Variants in SNRNP200 observed in about 807,000 individuals in gnomAD.
The protein encoded by SNRNP200 is U5 small nuclear ribonucleoprotein 200 kDa helicase.
SNRNP200 carries 66 observed loss-of-function variants against 255.2 expected under a neutral mutation model. That is an observed-to-expected ratio of 0.26 (90% confidence interval 0.21 to 0.32). SNRNP200 has a LOEUF of 0.32. SNRNP200 is among the 10% of genes least tolerant of loss of function. The probability of loss-of-function intolerance (pLI) is 1.00; values close to 1 mark genes in which losing one functional copy is unlikely to be tolerated. For missense variants in SNRNP200, 1,585 were observed against 2,749.8 expected, an observed-to-expected ratio of 0.58 and a Z score of 9.47; for synonymous variants, 939 against 1,027.8, an observed-to-expected ratio of 0.91 and a Z score of 1.65.
At position 96,277,347 on chromosome 2, in the gene SNRNP200, T is replaced by G; in HGVS notation, c.5932-106A>C. Reference sequence around the variant, plus strand: ...TTACCTCCTACACTATCAAGTCATCTAGATAAAACAGCTGCAGAAAGAACA... The same window carrying G: ...TTACCTCCTACACTATCAAGTCATCGAGATAAAACAGCTGCAGAAAGAACA... On this transcript the variant is annotated intron_variant, in intron 41 of 44. Coordinates refer to ENST00000323853, the MANE Select transcript of SNRNP200 (RefSeq NM_014014.5). The surrounding 1 kb of genome is among the most constrained non-coding windows in gnomAD (Gnocchi z 4.4). 2 of 1,351,286 alleles carry G rather than the reference T, an allele frequency of 1.5e-6. No individual in the cohort carries two copies. The highest frequency in any genetic ancestry group is 2.1e-6 in the Non-Finnish European group (2 of 946,664). 83.7% of individuals were successfully genotyped at this position (1,351,286 alleles called of 1,614,324 possible).
intron 5 of SNRNP200, among the ~76,000 whole-genome samples, chr2:96,300,269 G>A (rs2104361369): frequency 6.6e-6 from 1 of 152,272 alleles, no homozygotes; most frequent in South Asian, 2.1e-4. Flanking sequence ...TAACCCCAGT[G>A]ACTTAACCAT....
rs2063948673 is a variant in SNRNP200 at position 96,300,933 on chromosome 2, G to A, written c.630+65C>T. The A allele has an allele frequency of 3.7e-6, 5 of 1,346,062 alleles. No homozygotes were observed. The East Asian group carries it at 6.9e-5, about 19-fold the overall frequency. The allele number at this position is 1,346,062 out of a possible 1,614,324, so 83.4% of individuals were successfully genotyped here. ...TAAACTAGAGAGCTTGTTTACACTAGAAGGGGTCCCTTTACCTTAATCAAC... is the reference window on the plus strand; with the variant it reads ...TAAACTAGAGAGCTTGTTTACACTAAAAGGGGTCCCTTTACCTTAATCAAC... On this transcript the variant is annotated intron_variant, in intron 5 of 44. Coordinates refer to ENST00000323853, the MANE Select transcript of SNRNP200 (RefSeq NM_014014.5).
In SNRNP200 at chr2:96,283,646, G is replaced by A. The variant is rs1233295203; in HGVS notation, c.4652C>T (p.Thr1551Ile). 5 of 1,614,036 alleles carry A rather than the reference G, an allele frequency of 3.1e-6. No individual in the cohort carries two copies. The highest frequency in any genetic ancestry group is 2.7e-5 in the African/African-American group (2 of 74,932). Residue 1551 changes from threonine to isoleucine, a missense_variant, in exon 33 of 45, where the codon ACC (threonine) becomes ATC (isoleucine). By Grantham distance (89) the Thr-to-Ile change is moderately conservative (BLOSUM62 -1). Transcript: ENST00000323853. The surrounding 1 kb of genome is among the most constrained non-coding windows in gnomAD (Gnocchi z 4.7). ...SMAKPVYHAI[T>I]KHSPKKPVIV... ...GACAGGCTTCTTGGGCGAGTGCTTGGTGATAGCATGGTACACAGGCTTGGC... is the reference window on the plus strand; with the variant it reads ...GACAGGCTTCTTGGGCGAGTGCTTGATGATAGCATGGTACACAGGCTTGGC...
rs1212070749 is a variant in SNRNP200, at chr2:96,283,241, G to A, written c.4875C>T (p.Ser1625=). Residue 1625 remains serine, a synonymous_variant, in exon 34 of 45, where the codon AGC becomes AGT. Transcript: ENST00000323853. The surrounding 1 kb of genome is among the most constrained non-coding windows in gnomAD (Gnocchi z 4.7). ...NGVGYLHEGL[S]PMERRLVEQL... ...GCTCCACCAGGCGTCGCTCCATGGGGCTGAGCCCCTCATGCAGGTAGCCCA... is the reference window on the plus strand; with the variant it reads ...GCTCCACCAGGCGTCGCTCCATGGGACTGAGCCCCTCATGCAGGTAGCCCA... 3 of 1,614,158 alleles carry A rather than the reference G, an allele frequency of 1.9e-6. No homozygotes were observed. Among genetic ancestry groups the A allele is most frequent in the Non-Finnish European group, 2.5e-6 (3 of 1,180,040 alleles).
chr2:96,292,063 A>C (rs1187224426), intron 16 of SNRNP200, among the ~76,000 whole-genome samples, 163 bp from the exon 17 acceptor site: 2 of 152,218 alleles, frequency 1.3e-5, no homozygotes, highest in Non-Finnish European at 2.9e-5. Flanking sequence ...ACACGGCTGG[A>C]AAGACTTTTA....
At chr2:96,275,376 C>A in intron 43 of SNRNP200, 27 bp from the exon 44 acceptor site, 1 of 1,605,572 alleles carries the variant, frequency 6.2e-7, no homozygotes, top group Non-Finnish European at 8.5e-7. Context: ...CCAAGAATTT[C>A]AGCATGTAAA....
Position 96,283,722 on chromosome 2 carries a change from C to T in SNRNP200, c.4585-9G>A, listed in dbSNP as rs753090914. 2 of 1,613,976 alleles carry T rather than the reference C, an allele frequency of 1.2e-6. No homozygotes were observed. Among genetic ancestry groups the T allele is most frequent in the Non-Finnish European group, 1.7e-6 (2 of 1,180,022 alleles). On this transcript the variant is annotated splice_polypyrimidine_tract_variant and intron_variant, in intron 32 of 44. Transcript: ENST00000323853. The surrounding 1 kb of genome is among the most constrained non-coding windows in gnomAD (Gnocchi z 4.7). ...TGGCTGATGTTGAAGCCCTGGCGACCGGGGAGAAGAAAAGACACCAAGGTT... is the reference window on the plus strand; with the variant it reads ...TGGCTGATGTTGAAGCCCTGGCGACTGGGGAGAAGAAAAGACACCAAGGTT...
At position 96,304,800 on chromosome 2, in the gene SNRNP200, T is replaced by G; in HGVS notation, c.114A>C (p.Gly38=). Residue 38 remains glycine, a synonymous_variant, in exon 2 of 45, where the codon GGA becomes GGC. Coordinates refer to ENST00000323853, the MANE Select transcript of SNRNP200 (RefSeq NM_014014.5). ...GCTTCCCAACAAGGGACAGCACCTC[T>G]CCTGTGGGTTCATCCCGGCGGGTCC... ...IDRTRRDEPT[G]EVLSLVGKLE... is the part of the protein sequence containing the mutation. The G allele has an allele frequency of 6.2e-7, 1 of 1,614,168 alleles. No homozygotes were observed. The highest frequency in any genetic ancestry group is 8.5e-7 in the Non-Finnish European group (1 of 1,180,038).
chr2:96,285,561 G>A (rs1476437376), intron 29 of SNRNP200, among the ~76,000 whole-genome samples: 1 of 152,208 alleles, frequency 6.6e-6, no homozygotes, highest in Non-Finnish European at 1.5e-5. Flanking sequence ...AAGAGGCCAA[G>A]ATCAAGAGCC....
chr2:96,276,562 C>T (rs1684664838), intron 43 of SNRNP200: 1 of 354,398 alleles, frequency 2.8e-6, no homozygotes, highest in Non-Finnish European at 5.5e-6. Context: ...GCTGGGACTA[C>T]AGGTGCCCAC....
In SNRNP200 at chr2:96,283,213, G is replaced by T. The variant is rs1346624908; in HGVS notation, c.4903C>A (p.Leu1635Ile). 6.2e-7 allele frequency: 1 copy of T among 1,614,176 alleles called. No individual in the cohort carries two copies. The highest frequency in any genetic ancestry group is 8.5e-7 in the Non-Finnish European group (1 of 1,180,038). ...SPMERRLVEQ[L>I]FSSGAIQVVV... The stretch of plus-strand genomic sequence containing the variant: ...TGGCCTGACTTACCTGAGCTGAAGA[G>T]CTGCTCCACCAGGCGTCGCTCCATG... Residue 1635 changes from leucine to isoleucine, a missense_variant, in exon 34 of 45, where the codon CTC (leucine) becomes ATC (isoleucine). Around this residue, in one of 9 missense-constraint regions of SNRNP200, gnomAD observed 719 missense variants for 1,091.1 expected, o/e 0.66. Transcript: ENST00000323853. This position sits in a 1 kb window ranked among gnomAD's most constrained non-coding sequence, Gnocchi z 4.7.
At chr2:96,285,482 T>G (rs1262741974) in intron 29 of SNRNP200, 142 bp from the exon 30 acceptor site, 5 of 877,662 alleles carry the variant, frequency 5.7e-6, no homozygotes, top group Admixed American at 4.1e-5. Context: ...AGCTAAGGCA[T>G]CCAAGCCTCT....
In SNRNP200 at chr2:96,291,662, C is replaced by G; in HGVS notation, c.2310+89G>C. On this transcript the variant is annotated intron_variant, in intron 17 of 44. Transcript: ENST00000323853. The surrounding 1 kb of genome is among the most constrained non-coding windows in gnomAD (Gnocchi z 4.2). ...CTTAACCCATGGGAAACAACAATAC[C>G]ACAGTACAGTCCTAGAGGAGCTGTC... 6.8e-7 allele frequency: 1 copy of G among 1,470,020 alleles called. No homozygotes were observed. Among genetic ancestry groups the G allele is most frequent in the African/African-American group, 1.4e-5 (1 of 72,340 alleles). 91.1% of individuals were successfully genotyped at this position (1,470,020 alleles called of 1,614,324 possible).
intron 15 of SNRNP200, 67 bp downstream of exon 15, chr2:96,293,249 C>A (rs907834758): frequency 4.4e-5 from 70 of 1,583,490 alleles, no homozygotes; most frequent in Non-Finnish European, 5.9e-5. Flanking sequence ...CAGTAGCACT[C>A]CTTGGAAAAG....
At position 96,286,932 on chromosome 2, in the gene SNRNP200, C is replaced by A; in HGVS notation, c.3640-55G>T. 6.2e-7 allele frequency: 1 copy of A among 1,613,788 alleles called. No homozygotes were observed. Among genetic ancestry groups the A allele is most frequent in the Non-Finnish European group, 8.5e-7 (1 of 1,179,696 alleles). On this transcript the variant is annotated intron_variant, in intron 27 of 44. Transcript: ENST00000323853. The surrounding 1 kb of genome is among the most constrained non-coding windows in gnomAD (Gnocchi z 4.8). ...GTGAGTCAACGTAGACTGAGTGCCT[C>A]CAATCCATCTCCTCGGCCCAGCAAC...
chr2:96,299,512 G>T, intron 5 of SNRNP200, 85 bp from the exon 6 acceptor site: 1 of 1,123,524 alleles, frequency 8.9e-7, no homozygotes, highest in Non-Finnish European at 1.4e-6. Flanking sequence ...CCCTAAATTA[G>T]CTCAATGGGT....
chr2:96,304,262 A>C (rs1336595023), intron 2 of SNRNP200, among the ~76,000 whole-genome samples: 1 of 152,120 alleles, frequency 6.6e-6, no homozygotes, highest in Non-Finnish European at 1.5e-5. Flanking sequence ...AAAAAAAATA[A>C]AGGAAAAAAA....
chr2:96,284,331 C>A, intron 31 of SNRNP200, 27 bp downstream of exon 31: 2 of 1,591,254 alleles, frequency 1.3e-6, no homozygotes, highest in Non-Finnish European at 1.7e-6. Context: ...CCCAGTCCCT[C>A]ATCTGTGCTG....
Position 96,279,666 on chromosome 2 carries a change from G to A in SNRNP200, c.5025-107C>T, listed in dbSNP as rs1684726806. 8 of 716,646 alleles carry A rather than the reference G, an allele frequency of 1.1e-5. No individual in the cohort carries two copies. In the South Asian group the frequency reaches 1.2e-4, roughly 11 times the overall value. The allele number at this position is 716,646 out of a possible 1,614,324, so 44.4% of individuals were successfully genotyped here. ...TAAGAGTAAAATGTTAATACGGGGA[G>A]ACACGGACAAATCACGGGACGACTC... On this transcript the variant is annotated intron_variant, in intron 35 of 44. Coordinates refer to ENST00000323853, the MANE Select transcript of SNRNP200 (RefSeq NM_014014.5).
Sources: allele counts gnomAD v4.1 joint callset (sites outside exome capture counted in the v4.1 genomes callset), GRCh38; gene constraint gnomAD v4.1.1; regional missense constraint gnomAD v4.1.1; non-coding constraint Gnocchi (gnomAD v3.1); transcripts MANE v1.5; gene names NCBI Gene and HGNC (gene_info 2026-07-23, HGNC 2026-07-21).